NME7: variants seen among roughly 807,000 people sequenced by gnomAD.
NME7 encodes NME/NM23 family member 7.
NME7 carries 41 observed loss-of-function variants against 49.1 expected under a neutral mutation model. That is an observed-to-expected ratio of 0.83 (90% CI 0.65 to 1.08). NME7 has a LOEUF of 1.08. NME7 is among the 50% of genes least tolerant of loss of function. The probability of loss-of-function intolerance (pLI) is 0.00; values close to 1 mark genes in which losing one functional copy is unlikely to be tolerated. For synonymous variants in NME7, 139 were observed against 150.6 expected (o/e 0.92, Z 0.56); for missense variants, 423 against 463.4 (o/e 0.91, Z 0.80).
chr1:169,285,581 G>T (rs1239688470), intron 7 of NME7: 1 of 152,092 alleles, frequency 6.6e-6, no homozygotes, highest in African/African-American at 2.4e-5. Flanking sequence ...AACAGGGTTT[G>T]CATCCTCAAT....
In NME7 at chr1:169,272,740, G is replaced by A. The variant is rs984877060; in HGVS notation, c.754+14563C>T. Among the ~76,000 whole-genome samples the A allele has an allele frequency of 3.8e-5, 5 of 132,570 alleles. 1 individual carries two copies. The highest frequency in any genetic ancestry group is 8.8e-5 in the Non-Finnish European group (5 of 56,578). The allele number at this position is 132,570 out of a possible 152,430, so 87.0% of individuals were successfully genotyped here. On this transcript the variant is annotated intron_variant, in intron 7 of 11. Coordinates refer to ENST00000367811, the MANE Select transcript of NME7 (RefSeq NM_013330.5). ...TTCCATGTCTTTGCTATTGTGAACC[G>A]TGCTGCAATGAACATACACGTGCAT... is the stretch of plus-strand genomic sequence containing the variant.
chr1:169,218,720 A>G (rs1020348034), intron 10 of NME7, among the ~76,000 whole-genome samples: 2 of 147,204 alleles, frequency 1.4e-5, no homozygotes, highest in African/African-American at 5.1e-5. Flanking sequence ...GCAGCCTGCC[A>G]AAAGTCTTCA....
intron 1 of NME7, among the ~76,000 whole-genome samples, chr1:169,336,492 C>T (rs917838604): frequency 2.8e-4 from 42 of 152,180 alleles, no homozygotes; most frequent in African/African-American, 9.7e-4. Flanking sequence ...TTCTTCACGT[C>T]CCCATCAGAT....
intron 7 of NME7, among the ~76,000 whole-genome samples, chr1:169,262,877 C>A (rs1165133119): frequency 1.5e-5 from 2 of 133,698 alleles, no homozygotes; most frequent in Non-Finnish European, 3.5e-5. Flanking sequence ...TAGATTAGGG[C>A]AACTTGGCTA....
intron 1 of NME7, among the ~76,000 whole-genome samples, chr1:169,349,958 A>G (rs910280073): frequency 3.3e-5 from 5 of 152,052 alleles, no homozygotes; most frequent in African/African-American, 1.2e-4. Flanking sequence ...TGGGAGGCCG[A>G]GGCAGATGGA....
intron 10 of NME7, among the ~76,000 whole-genome samples, chr1:169,211,427 G>T (rs1056739542): frequency 5.3e-5 from 8 of 152,102 alleles, no homozygotes; most frequent in African/African-American, 1.9e-4. Flanking sequence ...AAGTAATCAT[G>T]ATATAGGAAA....
intron 1 of NME7, among the ~76,000 whole-genome samples, chr1:169,331,053 C>CA (rs1293271288): frequency 1.3e-5 from 2 of 152,006 alleles, no homozygotes; most frequent in Non-Finnish European, 2.9e-5. Flanking sequence ...AATATTGATG[C>CA]AAAACTTGTC....
At chr1:169,185,014 C>G (rs572674964) in intron 10 of NME7, among the ~76,000 whole-genome samples, 77 of 152,218 alleles carry the variant, frequency 5.1e-4, no homozygotes, top group Non-Finnish European at 6.9e-4. Flanking sequence ...ATGCAAAGTG[C>G]TATAAGGGGA....
intron 3 of NME7, among the ~76,000 whole-genome samples, chr1:169,319,967 G>C (rs1651793045): frequency 1.3e-5 from 2 of 152,088 alleles, no homozygotes; most frequent in Admixed American, 6.6e-5. Flanking sequence ...TCTTACTAAA[G>C]ATATAAGCTA....
At chr1:169,156,221 G>GA (rs573235446) in intron 11 of NME7, among the ~76,000 whole-genome samples, 294 of 151,974 alleles carry the variant, frequency 1.9e-3, no homozygotes, top group African/African-American at 6.6e-3. Context: ...GCTGAGGAGG[G>GA]ATCACTTGAG....
chr1:169,237,796 T>TA (rs901969356), intron 7 of NME7, 109 bp from the exon 8 acceptor site: 5 of 691,794 alleles, frequency 7.2e-6, no homozygotes, highest in South Asian at 1.8e-5. Context: ...ACTCTATATT[T>TA]AAAAAAACAC....
chr1:169,320,399 T>C (rs903031363), intron 3 of NME7, among the ~76,000 whole-genome samples: 2 of 152,328 alleles, frequency 1.3e-5, no homozygotes, highest in African/African-American at 2.4e-5. Flanking sequence ...AATTAGCTGA[T>C]AGGCTCCATG....
chr1:169,186,723 A>AT (rs1660077269), intron 10 of NME7, among the ~76,000 whole-genome samples: 1 of 151,920 alleles, frequency 6.6e-6, no homozygotes, highest in Non-Finnish European at 1.5e-5. Context: ...GGATTCACTG[A>AT]TTTTTTGAAG....
At chr1:169,310,146 A>T in intron 3 of NME7, 66 bp from the exon 4 acceptor site, 1 of 958,750 alleles carries the variant, frequency 1.0e-6, no homozygotes. Context: ...TATAATTCCC[A>T]AGCAGCAGTA....
chr1:169,359,147 A>T (rs1176998350), intron 1 of NME7, among the ~76,000 whole-genome samples: 1 of 152,184 alleles, frequency 6.6e-6, no homozygotes, highest in African/African-American at 2.4e-5. Flanking sequence ...GCATTTGCAT[A>T]TAACCTATGC....
intron 11 of NME7, among the ~76,000 whole-genome samples, chr1:169,133,599 A>C (rs1177291431): frequency 6.6e-6 from 1 of 152,250 alleles, no homozygotes. Flanking sequence ...GTACCAGAGG[A>C]ACAATGACTC....
At chr1:169,265,342 A>G (rs1329231926) in intron 7 of NME7, among the ~76,000 whole-genome samples, 1 of 133,890 alleles carries the variant, frequency 7.5e-6, no homozygotes, top group African/African-American at 2.5e-5. Flanking sequence ...TCAAAGCCAT[A>G]CAATTGCATG....
chr1:169,358,003 T>C (rs114335192), intron 1 of NME7, among the ~76,000 whole-genome samples: 1 of 152,068 alleles, frequency 6.6e-6, no homozygotes, highest in African/African-American at 2.4e-5. Context: ...ATCTCTGCCA[T>C]TTCCCTCCCT....
chr1:169,323,337 A>C lies in NME7; in HGVS notation c.112-54T>G, dbSNP rs140505485. 2.6e-4 allele frequency: 355 copies of C among 1,364,406 alleles called. 2 individuals are homozygous for C. In the African/African-American group the frequency reaches 4.6e-3, roughly 18 times the overall value. 84.5% of individuals were successfully genotyped at this position (1,364,406 alleles called of 1,614,324 possible). On this transcript the variant is annotated intron_variant, in intron 2 of 11. Transcript: ENST00000367811. ...CAAACAAAAAAAGTTATGAATAAGG[A>C]AAGTTAATCTCATCATAAGGTAGAA... is the stretch of plus-strand genomic sequence containing the variant.
Sources: gnomAD v4.1 joint callset for allele counts (sites outside exome capture counted in the v4.1 genomes callset) on GRCh38, gnomAD v4.1.1 for gene constraint, MANE v1.5 for transcripts, NCBI Gene and HGNC (gene_info 2026-07-23, HGNC 2026-07-21) for gene names.